The following LHFPL4 variants were observed in gnomAD, a reference collection of about 807,000 sequenced individuals.
LHFPL4 encodes LHFPL tetraspan subfamily member 4 protein.
A neutral mutation model predicts 20.0 loss-of-function variants in LHFPL4; 6 were observed. That is an observed-to-expected ratio of 0.30 (90% CI 0.16 to 0.59). LHFPL4 has a LOEUF of 0.59. Among genes scored for constraint, LHFPL4 ranks in the 20% least tolerant of loss-of-function variants. The pLI, the probability that LHFPL4 is intolerant of heterozygous loss-of-function variation, is 0.88. For missense variants in LHFPL4, 215 were observed against 331.2 expected, an observed-to-expected ratio of 0.65 and a Z score of 2.72; for synonymous variants, 129 against 143.8, an observed-to-expected ratio of 0.90 and a Z score of 0.74.
At chr3:9,509,818 C>G (rs997300393) in intron 2 of LHFPL4, among the ~76,000 whole-genome samples, 2 of 152,164 alleles carry the variant, frequency 1.3e-5, no homozygotes, top group Non-Finnish European at 2.9e-5. Context: ...TAGCCTAGGC[C>G]AAGGAAGTGC....
intron 2 of LHFPL4, among the ~76,000 whole-genome samples, chr3:9,528,900 C>G: frequency 6.6e-6 from 1 of 150,494 alleles, no homozygotes; most frequent in Non-Finnish European, 1.5e-5. Flanking sequence ...CAGGCATAAG[C>G]CACTGCACCC....
chr3:9,544,395 T>C (rs1189399056), intron 2 of LHFPL4, among the ~76,000 whole-genome samples: 1 of 151,628 alleles, frequency 6.6e-6, no homozygotes, highest in Non-Finnish European at 1.5e-5. Context: ...GAGGTCGAGG[T>C]AGGTGGATCA....
At chr3:9,533,116 G>A (rs2046420992) in intron 2 of LHFPL4, among the ~76,000 whole-genome samples, 1 of 152,184 alleles carries the variant, frequency 6.6e-6, no homozygotes, top group African/African-American at 2.4e-5. Context: ...AGGTGATCCA[G>A]CACCAGGTAT....
intron 2 of LHFPL4, among the ~76,000 whole-genome samples, chr3:9,542,501 G>A (rs1164366078): frequency 6.6e-6 from 1 of 151,980 alleles, no homozygotes; most frequent in Non-Finnish European, 1.5e-5. Context: ...AGTGAAAAAA[G>A]TCAGTCACAA....
intron 2 of LHFPL4, among the ~76,000 whole-genome samples, chr3:9,519,846 G>C (rs1310453116): frequency 1.3e-5 from 2 of 151,630 alleles, no homozygotes; most frequent in East Asian, 3.9e-4. Context: ...TCTTTGCAGA[G>C]AAGGGCTTCA....
chr3:9,520,535 G>C (rs771299109), intron 2 of LHFPL4, among the ~76,000 whole-genome samples: 4 of 151,928 alleles, frequency 2.6e-5, no homozygotes, highest in Non-Finnish European at 1.5e-5. Context: ...TGTATTTTTA[G>C]TAGAGGTGAG....
chr3:9,509,638 CAG>C (rs1553646239), intron 2 of LHFPL4, among the ~76,000 whole-genome samples: 6 of 152,228 alleles, frequency 3.9e-5, no homozygotes, highest in African/African-American at 9.6e-5. Context: ...CCCACAATAA[CAG>C]GGGTACTCAG....
intron 2 of LHFPL4, among the ~76,000 whole-genome samples, chr3:9,513,845 C>T (rs2648416): frequency 2.9e-3 from 444 of 152,272 alleles, no homozygotes; most frequent in Non-Finnish European, 4.9e-3. Context: ...TCACCATCAT[C>T]GACTGTAATG....
At chr3:9,512,989 C>T (rs1219009132) in intron 2 of LHFPL4, among the ~76,000 whole-genome samples, 3 of 152,190 alleles carry the variant, frequency 2.0e-5, no homozygotes, top group African/African-American at 7.2e-5. Flanking sequence ...GACGGAGTCT[C>T]ACTCAGTCGC....
chr3:9,527,531 C>T (rs1425846761), intron 2 of LHFPL4, among the ~76,000 whole-genome samples: 1 of 151,984 alleles, frequency 6.6e-6, no homozygotes, highest in African/African-American at 2.4e-5. Context: ...GCCTGGGCAA[C>T]ATGGTGAAAC....
intron 2 of LHFPL4, among the ~76,000 whole-genome samples, chr3:9,531,966 C>T (rs2046411971): frequency 6.6e-6 from 1 of 152,142 alleles, no homozygotes; most frequent in Non-Finnish European, 1.5e-5. Flanking sequence ...AAAGCTTGTG[C>T]TATCGATGTA....
rs533299594 is a variant in LHFPL4 at position 9,501,060 on chromosome 3, T to C, written c.*1151A>G. The C allele has an allele frequency of 1.1e-4, 17 of 154,028 alleles. No homozygotes were observed. The highest frequency in any genetic ancestry group is 2.0e-4 in the Non-Finnish European group (14 of 69,012). 9.5% of individuals were successfully genotyped at this position (154,028 alleles called of 1,614,324 possible). On this transcript the variant is annotated 3_prime_UTR_variant, in exon 4 of 4. Coordinates refer to ENST00000287585, the MANE Select transcript of LHFPL4 (RefSeq NM_198560.3). ...CCCATAGGTGCAGACCCTGGGCATA[T>C]CGCAAGGCGAGAGGTGGGCCAGGAG...
At chr3:9,537,165 G>A (rs768449936) in intron 2 of LHFPL4, among the ~76,000 whole-genome samples, 71 of 152,128 alleles carry the variant, frequency 4.7e-4, no homozygotes, top group African/African-American at 1.6e-3. Context: ...ACAGCTGACC[G>A]TGGCTTCCAG....
intron 2 of LHFPL4, among the ~76,000 whole-genome samples, chr3:9,528,290 T>C (rs1001710815): frequency 3.9e-5 from 6 of 152,198 alleles, no homozygotes; most frequent in African/African-American, 1.4e-4. Context: ...TGTAATATTT[T>C]AAATCTTTTG....
chr3:9,527,959 G>T (rs776605482), intron 2 of LHFPL4, among the ~76,000 whole-genome samples: 2 of 151,684 alleles, frequency 1.3e-5, no homozygotes, highest in Non-Finnish European at 2.9e-5. Context: ...TGCATATAAA[G>T]TCATGTTTAC....
At chr3:9,539,867 C>T (rs2046466939) in intron 2 of LHFPL4, among the ~76,000 whole-genome samples, 1 of 152,064 alleles carries the variant, frequency 6.6e-6, no homozygotes, top group East Asian at 1.9e-4. Flanking sequence ...TATTCAATCT[C>T]ATTCATAATA....
intron 2 of LHFPL4, among the ~76,000 whole-genome samples, chr3:9,544,659 G>C (rs1195048070): frequency 2.0e-5 from 3 of 151,942 alleles, no homozygotes; most frequent in Non-Finnish European, 4.4e-5. Flanking sequence ...AACAAATAAA[G>C]TCTAAACTCC....
chr3:9,519,048 G>A (rs945399105), intron 2 of LHFPL4, among the ~76,000 whole-genome samples: 19 of 151,724 alleles, frequency 1.3e-4, no homozygotes, highest in Admixed American at 3.3e-4. Context: ...AGCAATTCTC[G>A]TGTCTCAGCC....
In LHFPL4 at chr3:9,499,005, G is replaced by A. The variant is rs115755043; in HGVS notation, c.*3206C>T. 0.039 allele frequency: 5,997 copies of A among 152,416 alleles called. 161 individuals are homozygous for A. Among genetic ancestry groups the A allele is most frequent in the South Asian group, 0.06 (291 of 4,826 alleles). 9.4% of individuals were successfully genotyped at this position (152,416 alleles called of 1,614,324 possible). On this transcript the variant is annotated 3_prime_UTR_variant, in exon 4 of 4. Transcript: ENST00000287585. ...GAACCACCCCTAGGCTGTGGCTGCC[G>A]TGGCCTCTCCTGAGTCCCCAGATCA...
Sources: gnomAD v4.1 joint callset for allele counts (sites outside exome capture counted in the v4.1 genomes callset) on GRCh38, gnomAD v4.1.1 for gene constraint, MANE v1.5 for transcripts, NCBI Gene and HGNC (gene_info 2026-07-23, HGNC 2026-07-21) for gene names.